The following ZFP64 variants were observed in gnomAD, a reference collection of about 807,000 sequenced individuals.
ZFP64 encodes ZFP64 zinc finger protein, also known as zinc finger protein 64.
Under a neutral mutation model 51.6 loss-of-function variants are expected in ZFP64, and 14 were observed. That is an observed-to-expected ratio of 0.27 (90% CI 0.18 to 0.42). The LOEUF (loss-of-function observed/expected upper bound fraction) is 0.42, where lower values mean the gene tolerates loss of function less well. ZFP64 is among the 10% of genes least tolerant of loss of function. The pLI is 1.00. For missense variants in ZFP64, 754 were observed against 906.8 expected (o/e 0.83, Z 2.16); for synonymous variants, 375 against 361.4 (o/e 1.04, Z -0.43).
intron 5 of ZFP64, among the ~76,000 whole-genome samples, chr20:52,111,343 AG>A (rs1978569988): frequency 6.6e-6 from 1 of 151,348 alleles, no homozygotes; most frequent in African/African-American, 2.4e-5. Flanking sequence ...CAGCCTCCCA[AG>A]TAGCTGGGAT....
At chr20:52,118,882 C>T (rs1280307125) in intron 5 of ZFP64, among the ~76,000 whole-genome samples, 1 of 152,190 alleles carries the variant, frequency 6.6e-6, no homozygotes, top group Admixed American at 6.5e-5. Flanking sequence ...GTGGCTCGCG[C>T]CTGTAATGCC....
At chr20:52,104,539 G>T in intron 5 of ZFP64, 1 of 348,198 alleles carries the variant, frequency 2.9e-6, no homozygotes, top group Non-Finnish European at 5.7e-6. Context: ...GCCCCCCACC[G>T]TCTGCCCCCA....
At chr20:52,135,851 C>A (rs550819571) in intron 5 of ZFP64, among the ~76,000 whole-genome samples, 18 of 151,858 alleles carry the variant, frequency 1.2e-4, no homozygotes, top group Non-Finnish European at 2.5e-4. Flanking sequence ...GTAATGCCAG[C>A]ACTTTGGGAG....
chr20:52,134,028 CAA>C lies in ZFP64; in HGVS notation c.763+26093_763+26094del, dbSNP rs59218544. Among the ~76,000 whole-genome samples the C allele has an allele frequency of 7.2e-3, 699 of 97,358 alleles. 1 individual carries two copies. Among genetic ancestry groups the C allele is most frequent in the African/African-American group, 0.029 (629 of 21,834 alleles). 63.9% of individuals were successfully genotyped at this position (97,358 alleles called of 152,430 possible). ...TGGGCAACAGAGTGAGATCCTGTCT[CAA>C]AAAAAAAAAAAAAAAAAAAAAAGGA... On this transcript the variant is annotated intron_variant, in intron 5 of 8. Coordinates refer to the ZFP64 transcript ENST00000361387.
At chr20:52,172,044 A>G (rs918795434) in intron 2 of ZFP64, among the ~76,000 whole-genome samples, 13 of 151,938 alleles carry the variant, frequency 8.6e-5, no homozygotes, top group East Asian at 5.8e-4. Context: ...ACCGCGCCCG[A>G]CCAACTGGGT....
chr20:52,097,144 T>C (rs760258331), intron 7 of ZFP64: 2 of 777,932 alleles, frequency 2.6e-6, no homozygotes, highest in Admixed American at 1.7e-5. Flanking sequence ...GAAGCCACCT[T>C]ATTGCTCTAA....
At chr20:52,103,619 C>T (rs1327398910) in intron 5 of ZFP64, among the ~76,000 whole-genome samples, 2 of 152,228 alleles carry the variant, frequency 1.3e-5, no homozygotes, top group Admixed American at 6.5e-5. Context: ...AGACTTTCAA[C>T]TCCAGCCTGG....
At chr20:52,129,453 C>T (rs991750175) in intron 5 of ZFP64, among the ~76,000 whole-genome samples, 2 of 152,102 alleles carry the variant, frequency 1.3e-5, no homozygotes, top group African/African-American at 2.4e-5. Flanking sequence ...GCCACCGTAC[C>T]CAGCCGCTCC....
At chr20:52,117,369 AG>A (rs1978929921) in intron 5 of ZFP64, among the ~76,000 whole-genome samples, 1 of 152,172 alleles carries the variant, frequency 6.6e-6, no homozygotes, top group Non-Finnish European at 1.5e-5. Context: ...CTGTAGTCCC[AG>A]CACTTTGGGA....
downstream of ZFP64, among the ~76,000 whole-genome samples, chr20:52,147,734 A>T (rs973465987): frequency 1.9e-4 from 29 of 152,112 alleles, no homozygotes; most frequent in African/African-American, 7.0e-4. Context: ...AAAACACAGG[A>T]CCGGGCACCG....
intron 5 of ZFP64, among the ~76,000 whole-genome samples, chr20:52,158,113 A>T (rs528409263): frequency 6.6e-6 from 1 of 152,328 alleles, no homozygotes; most frequent in African/African-American, 2.4e-5. Context: ...TATTGTGAAT[A>T]CTGCTGCAAT....
chr20:52,184,535 T>C (rs1160781426), intron 2 of ZFP64, among the ~76,000 whole-genome samples: 1 of 152,268 alleles, frequency 6.6e-6, no homozygotes, highest in African/African-American at 2.4e-5. Flanking sequence ...TGAGAATCTT[T>C]CTGTGACTAC....
At chr20:52,111,231 A>C (rs1213955321) in intron 5 of ZFP64, among the ~76,000 whole-genome samples, 2 of 96,204 alleles carry the variant, frequency 2.1e-5, no homozygotes, top group Non-Finnish European at 1.9e-5. Flanking sequence ...TTTGAGACGG[A>C]GTTTCGCTCT....
intron 7 of ZFP64, among the ~76,000 whole-genome samples, chr20:52,090,066 A>G (rs1285565926): frequency 6.6e-6 from 1 of 152,202 alleles, no homozygotes; most frequent in East Asian, 1.9e-4. Flanking sequence ...GCCAAAAGGT[A>G]AGACACGAAA....
intron 5 of ZFP64, among the ~76,000 whole-genome samples, chr20:52,101,228 G>A (rs1186332665): frequency 6.6e-6 from 1 of 152,146 alleles, no homozygotes; most frequent in African/African-American, 2.4e-5. Context: ...TTTCTTCCAA[G>A]TGTAATCCTG....
chr20:52,166,463 T>A lies in ZFP64; in HGVS notation c.287-438A>T, dbSNP rs114537273. On this transcript the variant is annotated intron_variant, in intron 2 of 5. Coordinates refer to ENST00000216923, the MANE Select transcript of ZFP64 (RefSeq NM_018197.3). ...ACCCAAATCTATACTTTTTTCTTTT[T>A]TTTTTTTCTGAGATAGGGTTTCATT... Among the ~76,000 whole-genome samples the A allele has an allele frequency of 4.6e-3, 702 of 152,162 alleles. 5 individuals are homozygous for A. Among genetic ancestry groups the A allele is most frequent in the African/African-American group, 0.016 (675 of 41,522 alleles).
intron 5 of ZFP64, among the ~76,000 whole-genome samples, chr20:52,107,963 T>G (rs1978353066): frequency 6.6e-6 from 1 of 152,272 alleles, no homozygotes. Context: ...CAGTGGCTCA[T>G]GCCTGTAGTT....
chr20:52,140,293 G>A (rs188289031), intron 5 of ZFP64, among the ~76,000 whole-genome samples: 1 of 152,310 alleles, frequency 6.6e-6, no homozygotes, highest in East Asian at 1.9e-4. Context: ...AGCTAGACAA[G>A]GTTAAGCTCG....
intron 5 of ZFP64, among the ~76,000 whole-genome samples, chr20:52,120,552 C>T (rs969449030): frequency 5.3e-5 from 8 of 150,280 alleles, no homozygotes; most frequent in African/African-American, 1.5e-4. Flanking sequence ...GCAAGTGTAT[C>T]GGCTTCATTT....
Sources: allele counts gnomAD v4.1 joint callset (sites outside exome capture counted in the v4.1 genomes callset), GRCh38; gene constraint gnomAD v4.1.1; transcripts MANE v1.5; gene names NCBI Gene and HGNC (gene_info 2026-07-23, HGNC 2026-07-21).